Variants in TNRC6B observed in about 807,000 individuals in gnomAD.
TNRC6B encodes the protein trinucleotide repeat containing adaptor 6B.
In TNRC6B, 52 loss-of-function variants were observed where a neutral mutation model predicts 203.6. The ratio of observed to expected loss-of-function variants is 0.26; its 90% CI spans 0.20 to 0.32. The LOEUF is 0.32. TNRC6B is among the 10% of genes least tolerant of loss of function. The pLI, the probability that TNRC6B is intolerant of heterozygous loss-of-function variation, is 1.00. For missense variants in TNRC6B, 1,923 were observed against 2,286.2 expected, an observed-to-expected ratio of 0.84 and a Z score of 3.24; for synonymous variants, 838 against 845.7, an observed-to-expected ratio of 0.99 and a Z score of 0.16.
intron 15 of TNRC6B, among the ~76,000 whole-genome samples, chr22:40,302,005 CAT>C (rs1054180982): frequency 1.1e-4 from 16 of 152,084 alleles, no homozygotes; most frequent in African/African-American, 3.9e-4. Flanking sequence ...TTAGTGTACT[CAT>C]ATTAATAAAA....
chr22:40,306,514 C>G (rs2071089241), intron 15 of TNRC6B, among the ~76,000 whole-genome samples: 1 of 152,180 alleles, frequency 6.6e-6, no homozygotes, highest in Non-Finnish European at 1.5e-5. Flanking sequence ...AGCACCTTGG[C>G]CTGGTTTTCT....
At chr22:40,315,583 A>C (rs879172274) in intron 20 of TNRC6B, 76 bp downstream of exon 20, 1 of 1,459,352 alleles carries the variant, frequency 6.9e-7, no homozygotes, top group South Asian at 1.2e-5. Context: ...GTGAAGACAC[A>C]AAGAGGTCTT....
intron 1 of TNRC6B, among the ~76,000 whole-genome samples, chr22:40,234,061 G>T (rs1290002705): frequency 6.6e-6 from 1 of 152,168 alleles, no homozygotes; most frequent in Non-Finnish European, 1.5e-5. Context: ...CGATGCAGGA[G>T]TATTGCTTGA....
chr22:40,317,555 C>A lies in TNRC6B; in HGVS notation c.4974+1543C>A, dbSNP rs145719611. 3.7e-3 allele frequency among the ~76,000 whole-genome samples: 557 copies of A among 152,186 alleles called. 4 individuals carry two copies. The highest frequency in any genetic ancestry group is 0.012 in the African/African-American group (500 of 41,522). On this transcript the variant is annotated intron_variant, in intron 21 of 22. Coordinates refer to ENST00000454349, the MANE Select transcript of TNRC6B (RefSeq NM_001162501.2). ...ATTGCACCACTGCACTCCAGCCTGG[C>A]GACAGAGCGAGACTCCATCTGAAAA... is the stretch of plus-strand genomic sequence containing the variant.
At chr22:40,061,828 C>G (rs1284459056) in intron 1 of TNRC6B, among the ~76,000 whole-genome samples, 4 of 152,128 alleles carry the variant, frequency 2.6e-5, no homozygotes, top group Non-Finnish European at 5.9e-5. Context: ...AATCCCAGCA[C>G]TTTGGGAGGC....
At chr22:40,189,735 A>C (rs970126374) in intron 1 of TNRC6B, among the ~76,000 whole-genome samples, 22 of 152,148 alleles carry the variant, frequency 1.4e-4, no homozygotes, top group African/African-American at 4.6e-4. Flanking sequence ...AGCAAACTGG[A>C]ATTGAGTGTT....
intron 1 of TNRC6B, among the ~76,000 whole-genome samples, chr22:40,093,694 A>G (rs1369741578): frequency 1.3e-5 from 2 of 152,230 alleles, no homozygotes; most frequent in Admixed American, 6.5e-5. Flanking sequence ...GAAAAGTAGA[A>G]GAGTATTTTT....
intron 4 of TNRC6B, 111 bp downstream of exon 4, chr22:40,262,284 A>T: frequency 9.9e-7 from 1 of 1,008,172 alleles, no homozygotes; most frequent in Non-Finnish European, 1.3e-6. Flanking sequence ...AACCACTGGG[A>T]TTAGTCAAAA....
chr22:40,304,829 A>G (rs770506665), intron 15 of TNRC6B, among the ~76,000 whole-genome samples: 1 of 152,248 alleles, frequency 6.6e-6, no homozygotes, highest in Non-Finnish European at 1.5e-5. Context: ...ATTGGAGATT[A>G]TAAAAATGAC....
intron 2 of TNRC6B, among the ~76,000 whole-genome samples, chr22:40,250,511 T>G (rs2070176855): frequency 6.6e-6 from 1 of 152,208 alleles, no homozygotes; most frequent in South Asian, 2.1e-4. Flanking sequence ...TTTACATATT[T>G]CAATCTTACT....
At chr22:40,153,894 TAATA>T (rs754373435) in intron 3 of TNRC6B, among the ~76,000 whole-genome samples, 19 of 151,068 alleles carry the variant, frequency 1.3e-4, no homozygotes, top group South Asian at 2.1e-4. Context: ...ATTTAAATTA[TAATA>T]AATCATTAAA....
upstream of TNRC6B, among the ~76,000 whole-genome samples, chr22:40,176,078 T>C (rs1184007414): frequency 6.6e-6 from 1 of 151,918 alleles, no homozygotes; most frequent in African/African-American, 2.4e-5. Context: ...TTTTCTGGCT[T>C]ATAGAGATAG....
chr22:40,207,774 GAGGTC>G (rs1166359735), intron 1 of TNRC6B, among the ~76,000 whole-genome samples: 11 of 151,974 alleles, frequency 7.2e-5, no homozygotes, highest in Admixed American at 7.2e-4. Flanking sequence ...AAACCACAAT[GAGGTC>G]CCATTTTATA....
rs1000954537 is a variant in TNRC6B, at chr22:40,130,117, A to AT, written c.45+4263dup. 2.1e-4 allele frequency among the ~76,000 whole-genome samples: 32 copies of AT among 152,220 alleles called. No homozygotes were observed. The East Asian group carries it at 3.5e-3, about 16-fold the overall frequency. On this transcript the variant is annotated intron_variant, in intron 3 of 23. Coordinates refer to the TNRC6B transcript ENST00000301923. Reference sequence around the variant, plus strand: ...GAGGAGGATTAAGTTCAAGTGAAAGATTTTTTTTAAATGGAAGAGGACTAT... The same window carrying AT: ...GAGGAGGATTAAGTTCAAGTGAAAGATTTTTTTTTAAATGGAAGAGGACTAT...
chr22:40,073,586 T>G (rs899226327), intron 1 of TNRC6B, among the ~76,000 whole-genome samples: 1 of 150,932 alleles, frequency 6.6e-6, no homozygotes, highest in African/African-American at 2.4e-5. Flanking sequence ...GAAACTTAAC[T>G]ATAAAATCAA....
rs1481455078 is a variant in TNRC6B at position 40,333,250 on chromosome 22, T to G, written c.*10009T>G. 4 of 152,222 alleles carry G rather than the reference T, an allele frequency of 2.6e-5. No individual in the cohort carries two copies. Among genetic ancestry groups the G allele is most frequent in the African/African-American group, 9.7e-5 (4 of 41,408 alleles). The allele number at this position is 152,222 out of a possible 1,614,324, so 9.4% of individuals were successfully genotyped here. A position where few individuals can be genotyped will look rare whatever the true frequency, so the allele number is the denominator to read the frequency against. On this transcript the variant is annotated 3_prime_UTR_variant, in exon 23 of 23. Coordinates refer to ENST00000454349, the MANE Select transcript of TNRC6B (RefSeq NM_001162501.2). The stretch of plus-strand genomic sequence containing the variant: ...TGCTCGGGAGGCTAAGGCAGGAGAA[T>G]TGCTTGAACCCGGGAGACGGAGGTT...
rs146802584 is a variant in TNRC6B, at chr22:40,283,302, T to C, written c.3582+2013T>C. Among the ~76,000 whole-genome samples, 12 of 152,310 alleles carry C rather than the reference T, an allele frequency of 7.9e-5. No homozygotes were observed. The East Asian group carries it at 1.9e-3, about 24-fold the overall frequency. The stretch of plus-strand genomic sequence containing the variant: ...ATCCGCCCGCCTTGGCCTCCCAAAG[T>C]GCTGGGATTACAGGCGTGAGCCACC... On this transcript the variant is annotated intron_variant, in intron 11 of 22. Coordinates refer to ENST00000454349, the MANE Select transcript of TNRC6B (RefSeq NM_001162501.2).
Position 40,327,793 on chromosome 22 carries a change from C to G in TNRC6B, c.*4552C>G, listed in dbSNP as rs2071422037. 6.6e-6 allele frequency: 1 copy of G among 152,130 alleles called. No homozygotes were observed. Among genetic ancestry groups the G allele is most frequent in the Non-Finnish European group, 1.5e-5 (1 of 68,020 alleles). The allele number at this position is 152,130 out of a possible 1,614,324, so 9.4% of individuals were successfully genotyped here. A position where few individuals can be genotyped will look rare whatever the true frequency, so the allele number is the denominator to read the frequency against. ...ATAGATACAGGCTTGCTGGTCACCT[C>G]TCATTACATAGATTTATTTTAAAAA... On this transcript the variant is annotated 3_prime_UTR_variant, in exon 23 of 23. Transcript: ENST00000454349.
At chr22:40,176,701 A>G (rs74731113), upstream of TNRC6B, among the ~76,000 whole-genome samples, 633 of 152,300 alleles carry the variant, frequency 4.2e-3, 1 homozygote, top group Non-Finnish European at 6.8e-3. Context: ...CTCCTGGGGA[A>G]GACTAATGTT....
Sources: gnomAD v4.1 joint callset for allele counts (sites outside exome capture counted in the v4.1 genomes callset) on GRCh38, gnomAD v4.1.1 for gene constraint, MANE v1.5 for transcripts, NCBI Gene and HGNC (gene_info 2026-07-23, HGNC 2026-07-21) for gene names.